Variants in SEZ6L observed in about 807,000 individuals in gnomAD.
SEZ6L encodes the protein seizure related 6 homolog like.
SEZ6L carries 37 observed loss-of-function variants against 106.2 expected under a neutral mutation model. The ratio of observed to expected loss-of-function variants is 0.35; its 90% confidence interval spans 0.27 to 0.46. SEZ6L has a LOEUF of 0.46. Among genes scored for constraint, SEZ6L ranks in the 20% least tolerant of loss-of-function variants. The probability of loss-of-function intolerance (pLI) is 1.00; values close to 1 mark genes in which losing one functional copy is unlikely to be tolerated. For synonymous variants in SEZ6L, 541 were observed against 570.4 expected, an observed-to-expected ratio of 0.95 and a Z score of 0.73; for missense variants, 1,172 against 1,332.8, an observed-to-expected ratio of 0.88 and a Z score of 1.88.
At chr22:26,291,985 A>C (rs1002477167) in intron 1 of SEZ6L, among the ~76,000 whole-genome samples, 2 of 34,458 alleles carry the variant, frequency 5.8e-5, no homozygotes, top group African/African-American at 1.7e-4. Flanking sequence ...AAAAGGAAGG[A>C]AGGAAGGAAG....
chr22:26,170,067 T>C (rs1483002273), intron 1 of SEZ6L, among the ~76,000 whole-genome samples: 1 of 151,450 alleles, frequency 6.6e-6, no homozygotes, highest in African/African-American at 2.4e-5. Flanking sequence ...TGGAGTGGGG[T>C]CGCCTCCAAA....
chr22:26,218,098 G>A (rs1286428559), intron 1 of SEZ6L, among the ~76,000 whole-genome samples: 1 of 152,204 alleles, frequency 6.6e-6, no homozygotes, highest in East Asian at 1.9e-4. Flanking sequence ...CAGCCATCAG[G>A]TAGAGAGAAA....
intron 1 of SEZ6L, among the ~76,000 whole-genome samples, chr22:26,253,362 C>CTGA (rs1449144814): frequency 3.9e-5 from 6 of 152,188 alleles, no homozygotes; most frequent in African/African-American, 1.4e-4. Flanking sequence ...GGTACTGCTG[C>CTGA]TGCTGCTGAT....
intron 1 of SEZ6L, among the ~76,000 whole-genome samples, chr22:26,173,272 A>G (rs912534964): frequency 2.0e-5 from 3 of 152,242 alleles, no homozygotes; most frequent in African/African-American, 7.2e-5. Flanking sequence ...AGACACCAAG[A>G]AAACAAATCT....
At chr22:26,360,703 T>C (rs2083587676) in intron 12 of SEZ6L, among the ~76,000 whole-genome samples, 1 of 152,170 alleles carries the variant, frequency 6.6e-6, no homozygotes, top group African/African-American at 2.4e-5. Context: ...GTGAGGCTTC[T>C]CCTGTGCGCT....
chr22:26,257,633 T>G (rs559094671), intron 1 of SEZ6L, among the ~76,000 whole-genome samples: 1 of 151,928 alleles, frequency 6.6e-6, no homozygotes, highest in Non-Finnish European at 1.5e-5. Flanking sequence ...TCTGAGGAGG[T>G]GACATTTATG....
At chr22:26,329,709 A>G (rs889006928) in intron 9 of SEZ6L, among the ~76,000 whole-genome samples, 22 of 152,242 alleles carry the variant, frequency 1.4e-4, no homozygotes, top group African/African-American at 4.8e-4. Flanking sequence ...AAATGAGCAC[A>G]GAGGCCTTAG....
At chr22:26,171,492 TACAC>T (rs1392202937) in intron 1 of SEZ6L, among the ~76,000 whole-genome samples, 2 of 151,772 alleles carry the variant, frequency 1.3e-5, no homozygotes, top group Middle Eastern at 6.8e-3. Context: ...CACTCTCCAA[TACAC>T]CACCTTGCAG....
chr22:26,200,341 ATT>A (rs908151564), intron 1 of SEZ6L, among the ~76,000 whole-genome samples: 2 of 151,936 alleles, frequency 1.3e-5, no homozygotes, highest in African/African-American at 4.8e-5. Context: ...CCTTTCAGTA[ATT>A]TTTTTTGAGC....
intron 4 of SEZ6L, among the ~76,000 whole-genome samples, chr22:26,298,626 G>A (rs190289298): frequency 2.0e-5 from 3 of 152,304 alleles, no homozygotes; most frequent in East Asian, 3.9e-4. Context: ...AGATGTGCAC[G>A]CAGGTGGGAC....
At chr22:26,312,111 T>C in intron 8 of SEZ6L, 149 bp downstream of exon 8, 1 of 789,780 alleles carries the variant, frequency 1.3e-6, no homozygotes, top group Non-Finnish European at 2.0e-6. Context: ...TGTCCTTTGG[T>C]TCAGGGTTGC....
chr22:26,377,602 G>T, intron 15 of SEZ6L, 71 bp from the exon 16 acceptor site: 3 of 1,279,880 alleles, frequency 2.3e-6, no homozygotes, highest in Admixed American at 1.7e-5. Flanking sequence ...GGCACCAACT[G>T]TTCCCGTTCA....
intron 1 of SEZ6L, among the ~76,000 whole-genome samples, chr22:26,170,326 G>C (rs1938499315): frequency 6.6e-6 from 1 of 152,148 alleles, no homozygotes; most frequent in African/African-American, 2.4e-5. Context: ...CCGGACTTGG[G>C]TGTGGCTTTC....
chr22:26,222,894 G>A (rs1233073255), intron 1 of SEZ6L, among the ~76,000 whole-genome samples: 2 of 152,052 alleles, frequency 1.3e-5, no homozygotes, highest in African/African-American at 4.8e-5. Context: ...GACATTTCTG[G>A]GGGTCACACC....
chr22:26,303,527 A>C (rs2081517469), intron 5 of SEZ6L, among the ~76,000 whole-genome samples: 1 of 152,248 alleles, frequency 6.6e-6, no homozygotes. Context: ...TGACTTCGAT[A>C]AGAGATACTG....
intron 1 of SEZ6L, among the ~76,000 whole-genome samples, chr22:26,176,055 T>C (rs914581778): frequency 1.3e-5 from 2 of 152,220 alleles, no homozygotes; most frequent in African/African-American, 4.8e-5. Flanking sequence ...TTGCCATTGA[T>C]TGTGGACCTA....
chr22:26,227,136 A>G (rs771320185), intron 1 of SEZ6L, among the ~76,000 whole-genome samples: 2 of 152,204 alleles, frequency 1.3e-5, no homozygotes, highest in African/African-American at 2.4e-5. Context: ...GGCACATAGT[A>G]GTCTCTGCTC....
chr22:26,376,960 T>C (rs1385280420), intron 15 of SEZ6L, among the ~76,000 whole-genome samples: 1 of 151,630 alleles, frequency 6.6e-6, no homozygotes, highest in Non-Finnish European at 1.5e-5. Context: ...GTAGGTGTGG[T>C]GAGTAACAGA....
At chr22:26,228,272 A>G (rs1436988590) in intron 1 of SEZ6L, among the ~76,000 whole-genome samples, 3 of 152,234 alleles carry the variant, frequency 2.0e-5, no homozygotes, top group Non-Finnish European at 2.9e-5. Flanking sequence ...GCTCTAAAAA[A>G]TGAGAGTCTG....
Sources: gnomAD v4.1 joint callset for allele counts (sites outside exome capture counted in the v4.1 genomes callset) on GRCh38, gnomAD v4.1.1 for gene constraint, MANE v1.5 for transcripts, NCBI Gene and HGNC (gene_info 2026-07-23, HGNC 2026-07-21) for gene names.